SLC7A5: variants seen among roughly 807,000 people sequenced by gnomAD.
The protein encoded by SLC7A5 is large neutral amino acids transporter small subunit 1.
In SLC7A5, 23 loss-of-function variants were observed where a neutral mutation model predicts 50.2. The observed-to-expected ratio is 0.46, with a 90% confidence interval of 0.33 to 0.65. The LOEUF is 0.65. Ranked by LOEUF, SLC7A5 falls within the 30% of genes least tolerant of loss-of-function variation. The pLI is 0.02. For synonymous variants in SLC7A5, 393 were observed against 330.6 expected (o/e 1.19, Z -2.05); for missense variants, 578 against 684.4 (o/e 0.84, Z 1.73).
intron 2 of SLC7A5, among the ~76,000 whole-genome samples, chr16:87,845,331 G>C (rs1032416924): frequency 5.9e-5 from 9 of 152,210 alleles, no homozygotes; most frequent in Non-Finnish European, 8.8e-5. Flanking sequence ...CAGCACCCTG[G>C]AGCTAGCTGC....
intron 1 of SLC7A5, among the ~76,000 whole-genome samples, chr16:87,863,986 A>AAT (rs58063420): frequency 0.016 from 1,343 of 83,254 alleles, 102 homozygotes; most frequent in African/African-American, 0.04. Context: ...ATCATTTAAA[A>AAT]ATATATATAT....
In SLC7A5 at chr16:87,863,302, A is replaced by G. The variant is rs187122139; in HGVS notation, c.538+5583T>C. Among the ~76,000 whole-genome samples, 173 of 152,244 alleles carry G rather than the reference A, an allele frequency of 1.1e-3. 1 individual carries two copies. The highest frequency in any genetic ancestry group is 3.7e-3 in the African/African-American group (155 of 41,540). On this transcript the variant is annotated intron_variant, in intron 1 of 9. Transcript: ENST00000261622. Reference sequence around the variant, plus strand: ...TCCCACTTACTGAGAACTCGCCTGGATCAGTGCCGGGCCACAGTGGACCGG... The same window carrying G: ...TCCCACTTACTGAGAACTCGCCTGGGTCAGTGCCGGGCCACAGTGGACCGG...
chr16:87,855,043 C>T (rs750136224), intron 1 of SLC7A5, among the ~76,000 whole-genome samples: 18 of 152,246 alleles, frequency 1.2e-4, no homozygotes, highest in Admixed American at 9.8e-4. Context: ...TTGGCCAGGA[C>T]ACCTGTCACA....
intron 2 of SLC7A5, among the ~76,000 whole-genome samples, chr16:87,851,430 T>C (rs1477742335): frequency 6.6e-6 from 1 of 152,012 alleles, no homozygotes; most frequent in Non-Finnish European, 1.5e-5. Flanking sequence ...CCAGGTGAGG[T>C]TACAACGCAT....
chr16:87,842,023 G>A (rs1163528956), intron 2 of SLC7A5, among the ~76,000 whole-genome samples: 1 of 152,164 alleles, frequency 6.6e-6, no homozygotes, highest in East Asian at 1.9e-4. Flanking sequence ...TGTGAAATGG[G>A]CCTGGTGTGT....
intron 4 of SLC7A5, 33 bp downstream of exon 4, chr16:87,840,396 A>G: frequency 1.3e-6 from 2 of 1,587,084 alleles, no homozygotes; most frequent in East Asian, 2.2e-5. Flanking sequence ...TAAAATAATG[A>G]AAAAAGACGG....
chr16:87,851,284 C>A lies in SLC7A5; in HGVS notation c.664+440G>T, dbSNP rs541971108. Among the ~76,000 whole-genome samples, 196 of 152,244 alleles carry A rather than the reference C, an allele frequency of 1.3e-3. 2 individuals carry two copies. Among genetic ancestry groups the A allele is most frequent in the African/African-American group, 4.6e-3 (190 of 41,560 alleles). Reference sequence around the variant, plus strand: ...AATGATGAATGAATCACAGCATGACCAGGAGCATGGCCCCGTCGGGGGTGG... The same window carrying A: ...AATGATGAATGAATCACAGCATGACAAGGAGCATGGCCCCGTCGGGGGTGG... On this transcript the variant is annotated intron_variant, in intron 2 of 9. Transcript: ENST00000261622.
At chr16:87,838,220 G>A (rs766605364) in intron 6 of SLC7A5, among the ~76,000 whole-genome samples, 16 of 152,118 alleles carry the variant, frequency 1.1e-4, no homozygotes, top group Admixed American at 7.2e-4. Context: ...GTCACCTCCA[G>A]GCAGGAGTGG....
chr16:87,837,559 G>A (rs2055022957), intron 7 of SLC7A5: 1 of 461,680 alleles, frequency 2.2e-6, no homozygotes. Context: ...GCCCACGGAG[G>A]TGCAGTGAGC....
chr16:87,845,877 G>C (rs1338292382), intron 2 of SLC7A5, among the ~76,000 whole-genome samples: 2 of 152,186 alleles, frequency 1.3e-5, no homozygotes, highest in African/African-American at 2.4e-5. Flanking sequence ...GGAGGTGAAG[G>C]CCGCGGGAAA....
At chr16:87,836,864 G>T in intron 7 of SLC7A5, 1 of 566,554 alleles carries the variant, frequency 1.8e-6, no homozygotes, top group Non-Finnish European at 3.2e-6. Context: ...CGGGGAGGAG[G>T]GAAGGAGGGA....
At chr16:87,836,423 A>C (rs1597493371) in intron 8 of SLC7A5, 75 bp downstream of exon 8, 1 of 1,553,268 alleles carries the variant, frequency 6.4e-7, no homozygotes, top group Non-Finnish European at 8.8e-7. Context: ...GCTGGCTCCC[A>C]ACTCAGGGTC....
chr16:87,840,425 G>A lies in SLC7A5; in HGVS notation c.815+4C>T, dbSNP rs33956849. 195 of 1,609,622 alleles carry A rather than the reference G, an allele frequency of 1.2e-4. No individual in the cohort carries two copies. The African/African-American group carries it at 1.5e-3, about 12-fold the overall frequency. On this transcript the variant is annotated splice_donor_region_variant and intron_variant, in intron 4 of 9. Transcript: ENST00000261622. The stretch of plus-strand genomic sequence containing the variant: ...AAGACGGCTCCATCCATTCTTGCAC[G>A]TACCTGTAGGGGTTGATCATTTCCT...
intron 2 of SLC7A5, 152 bp downstream of exon 2, chr16:87,851,572 C>T (rs2143784233): frequency 9.7e-7 from 1 of 1,029,390 alleles, no homozygotes. Context: ...ATTTCACTTG[C>T]TGGGTGATTT....
chr16:87,848,180 G>A (rs1187265536), intron 2 of SLC7A5, among the ~76,000 whole-genome samples: 1 of 152,284 alleles, frequency 6.6e-6, no homozygotes, highest in Non-Finnish European at 1.5e-5. Context: ...TACAATGTGG[G>A]AGGAGAAGGA....
chr16:87,863,335 A>G (rs1359732725), intron 1 of SLC7A5, among the ~76,000 whole-genome samples: 1 of 152,066 alleles, frequency 6.6e-6, no homozygotes, highest in Non-Finnish European at 1.5e-5. Flanking sequence ...CGGGACTTTG[A>G]GTGGATGCTA....
intron 1 of SLC7A5, among the ~76,000 whole-genome samples, chr16:87,865,674 T>A (rs1168826874): frequency 2.0e-5 from 3 of 151,988 alleles, no homozygotes; most frequent in Admixed American, 2.0e-4. Context: ...GCCATTGTAC[T>A]CCAGCCTGGG....
rs992329207 is a variant in SLC7A5 at position 87,840,418 on chromosome 16, C to T, written c.815+11G>A. ...ATGAAAAAAGACGGCTCCATCCATT[C>T]TTGCACGTACCTGTAGGGGTTGATC... is the stretch of plus-strand genomic sequence containing the variant. On this transcript the variant is annotated intron_variant, in intron 4 of 9. Coordinates refer to ENST00000261622, the MANE Select transcript of SLC7A5 (RefSeq NM_003486.7). 1 of 1,608,354 alleles carries T rather than the reference C, an allele frequency of 6.2e-7. No homozygotes were observed. Among genetic ancestry groups the T allele is most frequent in the South Asian group, 1.1e-5 (1 of 90,950 alleles).
intron 4 of SLC7A5, 145 bp downstream of exon 4, chr16:87,840,284 A>G: frequency 1.3e-6 from 1 of 757,332 alleles, no homozygotes; most frequent in Non-Finnish European, 2.3e-6. Context: ...CACCCGCCCC[A>G]CATCCTGCTG....
Sources: gnomAD v4.1 joint callset for allele counts (sites outside exome capture counted in the v4.1 genomes callset) on GRCh38, gnomAD v4.1.1 for gene constraint, MANE v1.5 for transcripts, NCBI Gene and HGNC (gene_info 2026-07-23, HGNC 2026-07-21) for gene names.